KAZN: variants seen among roughly 807,000 people sequenced by gnomAD.
KAZN encodes kazrin, periplakin interacting protein.
KAZN carries 40 observed loss-of-function variants against 87.4 expected under a neutral mutation model. The ratio of observed to expected loss-of-function variants is 0.46; its 90% CI spans 0.36 to 0.60. The LOEUF is 0.60. Among genes scored for constraint, KAZN ranks in the 20% least tolerant of loss-of-function variants. The probability of loss-of-function intolerance (pLI) is 0.00; values close to 1 mark genes in which losing one functional copy is unlikely to be tolerated. For synonymous variants in KAZN, 466 were observed against 458.3 expected (o/e 1.02, Z -0.22); for missense variants, 898 against 1,073.9 (o/e 0.84, Z 2.29).
intron 1 of KAZN, among the ~76,000 whole-genome samples, chr1:14,761,906 T>G (rs1452838373): frequency 6.6e-6 from 1 of 151,670 alleles, no homozygotes. Flanking sequence ...TTTTTTTTTT[T>G]TCTACTCAGC....
Position 14,820,159 on chromosome 1 carries a change from G to T in KAZN, c.227-140525G>T, listed in dbSNP as rs1646697419. 6.6e-6 allele frequency among the ~76,000 whole-genome samples: 1 copy of T among 152,172 alleles called. No homozygotes were observed. Among genetic ancestry groups the T allele is most frequent in the African/African-American group, 2.4e-5 (1 of 41,430 alleles). On this transcript the variant is annotated intron_variant, in intron 1 of 14. Transcript: ENST00000376030. The surrounding 1 kb of genome is among the most constrained non-coding windows in gnomAD (Gnocchi z 4.1). ...GGCCCTTCCCAAATATGCAGATTCA[G>T]TAGGAGTGGCAGGGCCCATGAACTC...
chr1:15,002,322 A>G (rs1668571402), intron 2 of KAZN, among the ~76,000 whole-genome samples: 3 of 152,234 alleles, frequency 2.0e-5, no homozygotes, highest in South Asian at 4.1e-4. Flanking sequence ...TTGAGTTTAC[A>G]GAGAGAAATC....
intron 2 of KAZN, among the ~76,000 whole-genome samples, chr1:14,399,589 T>G (rs1663209575): frequency 6.6e-6 from 1 of 152,060 alleles, no homozygotes; most frequent in African/African-American, 2.4e-5. Flanking sequence ...CCTGGGGGCG[T>G]GTACTGGGTT....
In KAZN at chr1:13,944,506, G is replaced by A. The variant is rs537075944; in HGVS notation, c.91+50750G>A. Among the ~76,000 whole-genome samples, 10 of 152,304 alleles carry A rather than the reference G, an allele frequency of 6.6e-5. No individual in the cohort carries two copies. The South Asian group carries it at 1.7e-3, about 25-fold the overall frequency. ...TCATTGACTTGTACACTTGAGATGA[G>A]TATTATGATATGTAAGATATACCTG... On this transcript the variant is annotated intron_variant, in intron 1 of 16. Coordinates refer to the KAZN transcript ENST00000636203.
intron 1 of KAZN, among the ~76,000 whole-genome samples, chr1:14,845,644 G>C (rs1648662482): frequency 6.6e-6 from 1 of 152,162 alleles, no homozygotes; most frequent in Non-Finnish European, 1.5e-5. Flanking sequence ...TGATGAGCTG[G>C]ATTGTAGTTT....
intron 2 of KAZN, among the ~76,000 whole-genome samples, chr1:14,363,625 C>G (rs1169371197): frequency 6.6e-6 from 1 of 152,152 alleles, no homozygotes; most frequent in African/African-American, 2.4e-5. Context: ...TTAGAGGGGT[C>G]AGGAAACTTT....
intron 2 of KAZN, among the ~76,000 whole-genome samples, chr1:14,327,461 C>T (rs1656520026): frequency 6.6e-6 from 1 of 152,078 alleles, no homozygotes; most frequent in Non-Finnish European, 1.5e-5. Context: ...ATCCCCCTAG[C>T]GGGCCTCAGT....
chr1:14,158,156 G>T (rs1253383824), intron 1 of KAZN, among the ~76,000 whole-genome samples: 2 of 152,086 alleles, frequency 1.3e-5, no homozygotes, highest in Non-Finnish European at 2.9e-5. Flanking sequence ...GTAGGTTTTG[G>T]AAGTTCTCTG....
At chr1:14,772,715 TC>T (rs1260762293) in intron 1 of KAZN, among the ~76,000 whole-genome samples, 1 of 152,116 alleles carries the variant, frequency 6.6e-6, no homozygotes, top group Non-Finnish European at 1.5e-5. Flanking sequence ...TTGCTGCATT[TC>T]CACGAATATC....
chr1:14,922,259 G>A (rs1230263949), intron 1 of KAZN, among the ~76,000 whole-genome samples: 2 of 152,200 alleles, frequency 1.3e-5, no homozygotes, highest in Non-Finnish European at 2.9e-5. Context: ...GCAGGTCCCT[G>A]AAGGTAACTC....
intron 2 of KAZN, among the ~76,000 whole-genome samples, chr1:15,004,090 C>T (rs1490436361): frequency 1.3e-5 from 2 of 152,198 alleles, no homozygotes; most frequent in Admixed American, 6.5e-5. Context: ...GTGAGGTGAA[C>T]ATACCTGGAG....
At chr1:15,030,551 G>A (rs34638837) in intron 2 of KAZN, among the ~76,000 whole-genome samples, 3 of 152,034 alleles carry the variant, frequency 2.0e-5, no homozygotes, top group Non-Finnish European at 4.4e-5. Context: ...CTGAGCCACC[G>A]CGCCTGGTCA....
At chr1:14,113,062 A>G (rs563739607) in intron 1 of KAZN, among the ~76,000 whole-genome samples, 8 of 152,294 alleles carry the variant, frequency 5.3e-5, no homozygotes, top group African/African-American at 1.9e-4. Flanking sequence ...CACTTTTTCA[A>G]TGTGCACCCT....
intron 1 of KAZN, among the ~76,000 whole-genome samples, chr1:14,746,121 T>C (rs1244738779): frequency 1.3e-5 from 2 of 152,182 alleles, no homozygotes; most frequent in South Asian, 4.2e-4. Flanking sequence ...GTTATCCCAG[T>C]TCAAAATCAC....
intron 1 of KAZN, among the ~76,000 whole-genome samples, chr1:14,841,331 G>A (rs1026303450): frequency 9.4e-5 from 14 of 148,876 alleles, no homozygotes; most frequent in African/African-American, 3.0e-4. Flanking sequence ...GTGTGAACCC[G>A]GGAGGCGGAG....
chr1:14,363,841 G>C (rs1557664452), intron 2 of KAZN, among the ~76,000 whole-genome samples: 4 of 152,122 alleles, frequency 2.6e-5, no homozygotes, highest in Admixed American at 2.6e-4. Context: ...TACAAAAAAG[G>C]GTTTCTACGG....
chr1:14,736,465 ATTTTTTTT>A (rs756285598), intron 1 of KAZN, among the ~76,000 whole-genome samples: 1 of 108,042 alleles, frequency 9.3e-6, no homozygotes, highest in Non-Finnish European at 1.8e-5. Context: ...CACCCAGCTA[ATTTTTTTT>A]TTTTTTTTTT....
At chr1:14,284,913 C>A (rs1407860853) in intron 2 of KAZN, among the ~76,000 whole-genome samples, 1 of 152,192 alleles carries the variant, frequency 6.6e-6, no homozygotes, top group Non-Finnish European at 1.5e-5. Flanking sequence ...CCCTACAGCC[C>A]AAAACACTGG....
intron 2 of KAZN, among the ~76,000 whole-genome samples, chr1:14,239,161 T>C (rs1648695134): frequency 6.6e-6 from 1 of 152,242 alleles, no homozygotes; most frequent in South Asian, 2.1e-4. Flanking sequence ...CCGTAAGTCA[T>C]GCTTTTGTTT....
Sources: gnomAD v4.1 joint callset for allele counts (sites outside exome capture counted in the v4.1 genomes callset) on GRCh38, gnomAD v4.1.1 for gene constraint, Gnocchi (gnomAD v3.1) non-coding constraint, MANE v1.5 for transcripts, NCBI Gene and HGNC (gene_info 2026-07-23, HGNC 2026-07-21) for gene names.